Variants in CDH18 observed in about 807,000 individuals in gnomAD.
CDH18 encodes the protein cadherin-18.
A neutral mutation model predicts 67.9 loss-of-function variants in CDH18; 31 were observed. That is an observed-to-expected ratio of 0.46 (90% CI 0.34 to 0.62). The LOEUF (loss-of-function observed/expected upper bound fraction) is 0.62. CDH18 is among the 20% of genes least tolerant of loss of function. The pLI is 0.01. For missense variants in CDH18, 890 were observed against 975.5 expected (o/e 0.91, Z 1.17); for synonymous variants, 362 against 347.2 (o/e 1.04, Z -0.48).
At chr5:20,450,218 A>G (rs1226147834) in intron 1 of CDH18, among the ~76,000 whole-genome samples, 1 of 152,056 alleles carries the variant, frequency 6.6e-6, no homozygotes, top group Non-Finnish European at 1.5e-5. Flanking sequence ...GTGGTGGCAC[A>G]CGCCTGTAAT....
intron 10 of CDH18, among the ~76,000 whole-genome samples, chr5:19,506,937 T>C (rs151117764): frequency 0.22 from 32,661 of 151,806 alleles, 3,809 homozygotes; most frequent in African/African-American, 0.28. Context: ...TTCTGCACAG[T>C]GAAAGAAACT....
chr5:20,193,086 C>G (rs1561865635), intron 2 of CDH18, among the ~76,000 whole-genome samples: 1 of 152,016 alleles, frequency 6.6e-6, no homozygotes, highest in Non-Finnish European at 1.5e-5. Context: ...AGCTGTATTC[C>G]TAAGTATTGT....
chr5:19,473,030 C>CTT lies in CDH18; in HGVS notation c.*194_*195dup, dbSNP rs34972691. On this transcript the variant is annotated 3_prime_UTR_variant, in exon 13 of 13. Transcript: ENST00000382275. ...AACAATAACTTTTTCTTTGTATTGT[C>CTT]TTTTTTTTTTTTTTTTTACTTTCTT... 2.9e-4 allele frequency: 116 copies of CTT among 405,688 alleles called. No homozygotes were observed. Among genetic ancestry groups the CTT allele is most frequent in the Middle Eastern group, 7.1e-4 (1 of 1,414 alleles). The allele number at this position is 405,688 out of a possible 1,614,324, so 25.1% of individuals were successfully genotyped here.
At chr5:20,254,694 G>A (rs1744099141) in intron 2 of CDH18, among the ~76,000 whole-genome samples, 1 of 152,152 alleles carries the variant, frequency 6.6e-6, no homozygotes, top group East Asian at 1.9e-4. Flanking sequence ...CAGCCACAGT[G>A]GCAAGAAGTT....
chr5:19,780,199 A>C (rs1186817592), intron 3 of CDH18, among the ~76,000 whole-genome samples: 2 of 152,118 alleles, frequency 1.3e-5, no homozygotes, highest in African/African-American at 2.4e-5. Context: ...CACCTTCACA[A>C]ATACAGAAAG....
At chr5:19,863,518 A>C (rs937443388) in intron 2 of CDH18, among the ~76,000 whole-genome samples, 1 of 152,188 alleles carries the variant, frequency 6.6e-6, no homozygotes, top group African/African-American at 2.4e-5. Flanking sequence ...TGGTGCTGAC[A>C]CAGGGGAGAG....
chr5:19,602,907 G>GT (rs1481302335), intron 6 of CDH18, among the ~76,000 whole-genome samples: 7 of 152,124 alleles, frequency 4.6e-5, no homozygotes, highest in Admixed American at 2.6e-4. Flanking sequence ...GGAGGGTGCA[G>GT]TGAGCCAAGA....
chr5:19,847,058 A>C (rs1783062980), intron 2 of CDH18, among the ~76,000 whole-genome samples: 1 of 151,804 alleles, frequency 6.6e-6, no homozygotes, highest in African/African-American at 2.4e-5. Flanking sequence ...TTTCTTTCCA[A>C]ATTCTCTTAT....
intron 1 of CDH18, among the ~76,000 whole-genome samples, chr5:20,524,470 C>T (rs1755924925): frequency 2.0e-5 from 3 of 152,066 alleles, no homozygotes; most frequent in African/African-American, 2.4e-5. Context: ...CATTTATTTC[C>T]ACTGTATTGC....
chr5:19,546,580 T>C (rs909821132), intron 8 of CDH18, among the ~76,000 whole-genome samples: 35 of 152,132 alleles, frequency 2.3e-4, no homozygotes, highest in African/African-American at 8.2e-4. Flanking sequence ...TGTGGTGATG[T>C]AAATATTACA....
chr5:19,741,932 A>T (rs1769263794), intron 4 of CDH18, among the ~76,000 whole-genome samples: 1 of 152,202 alleles, frequency 6.6e-6, no homozygotes, highest in African/African-American at 2.4e-5. Context: ...ACAACAAAGA[A>T]TTATCCAGTC....
intron 2 of CDH18, among the ~76,000 whole-genome samples, chr5:20,146,588 C>A (rs1750661843): frequency 6.8e-6 from 1 of 146,934 alleles, no homozygotes. Context: ...TAGTGTATGG[C>A]AAATCATAAG....
intron 2 of CDH18, among the ~76,000 whole-genome samples, chr5:19,846,559 C>T (rs777560073): frequency 2.6e-5 from 4 of 152,026 alleles, no homozygotes; most frequent in East Asian, 1.9e-4. Flanking sequence ...CGTTTTTCAG[C>T]CCATTGTGGA....
intron 2 of CDH18, among the ~76,000 whole-genome samples, chr5:20,057,575 T>C (rs1742105160): frequency 6.6e-6 from 1 of 152,174 alleles, no homozygotes; most frequent in South Asian, 2.1e-4. Flanking sequence ...ATCATGAAAT[T>C]TAGCTTCTCT....
intron 2 of CDH18, among the ~76,000 whole-genome samples, chr5:20,110,608 T>C (rs553482517): frequency 2.6e-5 from 4 of 152,230 alleles, no homozygotes; most frequent in African/African-American, 7.2e-5. Flanking sequence ...TGCTTGAACC[T>C]GGGAGGCAGA....
At chr5:19,806,931 G>T (rs1254687277) in intron 3 of CDH18, among the ~76,000 whole-genome samples, 2 of 152,162 alleles carry the variant, frequency 1.3e-5, no homozygotes, top group Non-Finnish European at 2.9e-5. Flanking sequence ...AGTTAAACTA[G>T]ATGGTACAGC....
chr5:19,785,674 AAAAAAATATATATATATATATATATAT>A (rs1775659772), intron 3 of CDH18, among the ~76,000 whole-genome samples: 3 of 61,716 alleles, frequency 4.9e-5, no homozygotes, highest in Non-Finnish European at 8.9e-5. Flanking sequence ...AAAAAAAAAA[AAAAAAATATATATATATATATATATAT>A]ATATATATAT....
chr5:20,007,758 G>A (rs796078189), intron 2 of CDH18, among the ~76,000 whole-genome samples: 5 of 151,064 alleles, frequency 3.3e-5, no homozygotes, highest in African/African-American at 1.2e-4. Context: ...TATGGTATGT[G>A]AACTAAGAAT....
intron 2 of CDH18, among the ~76,000 whole-genome samples, chr5:19,958,898 C>A (rs1160409676): frequency 6.6e-6 from 1 of 152,034 alleles, no homozygotes; most frequent in East Asian, 1.9e-4. Context: ...GTGACAGTGG[C>A]CTTGAAGAAA....
Sources: gnomAD v4.1 joint callset for allele counts (sites outside exome capture counted in the v4.1 genomes callset) on GRCh38, gnomAD v4.1.1 for gene constraint, MANE v1.5 for transcripts, NCBI Gene and HGNC (gene_info 2026-07-23, HGNC 2026-07-21) for gene names.